Variants in SDK1 observed in about 807,000 individuals in gnomAD.
SDK1 encodes the protein sidekick cell adhesion molecule 1, also known as protein sidekick-1.
A neutral mutation model predicts 245.5 loss-of-function variants in SDK1; 157 were observed. That is an observed-to-expected ratio of 0.64 (90% CI 0.56 to 0.73). The LOEUF (loss-of-function observed/expected upper bound fraction) is 0.73, where lower values mean the gene tolerates loss of function less well. Ranked by LOEUF, SDK1 falls within the 30% of genes least tolerant of loss-of-function variation. SDK1 has a pLI of 0.00. For synonymous variants in SDK1, 1,647 were observed against 1,278.5 expected (o/e 1.29, Z -6.15); for missense variants, 3,583 against 3,002.3 (o/e 1.19, Z -4.52).
chr7:3,659,579 C>G (rs891855), intron 4 of SDK1, among the ~76,000 whole-genome samples: 94,481 of 151,946 alleles, frequency 0.62, 29,745 homozygotes, highest in South Asian at 0.77. Flanking sequence ...CCCAAAGTGA[C>G]GTCGGCAGGG....
At chr7:3,399,825 G>C (rs990995979) in intron 1 of SDK1, among the ~76,000 whole-genome samples, 1 of 152,066 alleles carries the variant, frequency 6.6e-6, no homozygotes, top group Non-Finnish European at 1.5e-5. Flanking sequence ...TGGAGTTCCA[G>C]ATACCCACTG....
chr7:4,175,355 A>G (rs1218931087), intron 33 of SDK1, among the ~76,000 whole-genome samples: 1 of 152,204 alleles, frequency 6.6e-6, no homozygotes, highest in Non-Finnish European at 1.5e-5. Flanking sequence ...GGCTGGGCTT[A>G]CGCACCTGGT....
In SDK1 at chr7:3,359,491, G is replaced by A. The variant is rs142561333; in HGVS notation, c.298+57607G>A. On this transcript the variant is annotated intron_variant, in intron 1 of 44. Transcript: ENST00000404826. ...ATTAAAAGAATCACAGAGGCTAGTAGCCTTTAGTTTTTAATTTTTTGATTG... is the reference window on the plus strand; with the variant it reads ...ATTAAAAGAATCACAGAGGCTAGTAACCTTTAGTTTTTAATTTTTTGATTG... Among the ~76,000 whole-genome samples, 13 of 152,292 alleles carry A rather than the reference G, an allele frequency of 8.5e-5. No homozygotes were observed. In the East Asian group the frequency reaches 2.5e-3, roughly 29 times the overall value.
chr7:3,590,154 G>A (rs1780818961), intron 1 of SDK1, among the ~76,000 whole-genome samples: 1 of 152,176 alleles, frequency 6.6e-6, no homozygotes, highest in African/African-American at 2.4e-5. Flanking sequence ...ATAGCAGGTA[G>A]CCTCAGGCTG....
intron 5 of SDK1, among the ~76,000 whole-genome samples, chr7:3,950,070 A>G (rs996908453): frequency 6.6e-6 from 1 of 152,274 alleles, no homozygotes; most frequent in Non-Finnish European, 1.5e-5. Context: ...TAAAAGAAAA[A>G]TAAAGCCAGC....
intron 1 of SDK1, among the ~76,000 whole-genome samples, chr7:3,562,790 G>C (rs1779787593): frequency 6.6e-6 from 1 of 151,970 alleles, no homozygotes; most frequent in Non-Finnish European, 1.5e-5. Context: ...TCACACGTGA[G>C]GATATAAGAA....
intron 2 of SDK1, among the ~76,000 whole-genome samples, chr7:3,635,408 T>G (rs1272009245): frequency 2.6e-5 from 4 of 152,230 alleles, no homozygotes; most frequent in African/African-American, 9.6e-5. Flanking sequence ...TCGCTTAAAA[T>G]TATGCCTATC....
intron 1 of SDK1, among the ~76,000 whole-genome samples, chr7:3,385,569 C>T (rs1181306708): frequency 6.6e-6 from 1 of 152,088 alleles, no homozygotes; most frequent in Non-Finnish European, 1.5e-5. Flanking sequence ...GGTCTCTCTG[C>T]CTGGAATCTT....
At chr7:3,801,229 A>G (rs942723823) in intron 4 of SDK1, among the ~76,000 whole-genome samples, 4 of 152,190 alleles carry the variant, frequency 2.6e-5, no homozygotes, top group Admixed American at 2.6e-4. Flanking sequence ...GCTGAATGTA[A>G]TATTTCATCA....
At chr7:3,449,961 A>T (rs1780461460) in intron 1 of SDK1, among the ~76,000 whole-genome samples, 1 of 152,226 alleles carries the variant, frequency 6.6e-6, no homozygotes, top group African/African-American at 2.4e-5. Context: ...CACACAAATC[A>T]GACTGGCTGT....
chr7:3,470,052 T>C (rs892718961), intron 1 of SDK1, among the ~76,000 whole-genome samples: 9 of 152,150 alleles, frequency 5.9e-5, no homozygotes, highest in Admixed American at 5.2e-4. Context: ...TTTTTCCATA[T>C]TTAACACTAG....
At chr7:3,488,179 T>C (rs1781760386) in intron 1 of SDK1, among the ~76,000 whole-genome samples, 1 of 152,128 alleles carries the variant, frequency 6.6e-6, no homozygotes, top group Non-Finnish European at 1.5e-5. Context: ...AATGACTAAT[T>C]TGTTTTCTGC....
chr7:4,190,631 G>A (rs1783142259), intron 35 of SDK1, among the ~76,000 whole-genome samples: 1 of 152,262 alleles, frequency 6.6e-6, no homozygotes, highest in Admixed American at 6.5e-5. Context: ...CCAATGCGCT[G>A]CACCCGGCCC....
At chr7:3,751,871 C>T (rs1404981761) in intron 4 of SDK1, among the ~76,000 whole-genome samples, 2 of 152,150 alleles carry the variant, frequency 1.3e-5, no homozygotes, top group African/African-American at 4.8e-5. Context: ...TACTTCCTTT[C>T]TTTTTCTCAT....
intron 1 of SDK1, among the ~76,000 whole-genome samples, chr7:3,597,584 T>C (rs1781107929): frequency 6.6e-6 from 1 of 152,170 alleles, no homozygotes; most frequent in Admixed American, 6.5e-5. Flanking sequence ...AGGAGGAAAA[T>C]AACCTGCTCT....
intron 1 of SDK1, among the ~76,000 whole-genome samples, chr7:3,526,268 A>T (rs141032466): frequency 3.5e-4 from 54 of 152,232 alleles, no homozygotes; most frequent in East Asian, 1.5e-3. Context: ...TGTGACCTTT[A>T]TAGGATATCT....
At chr7:4,121,501 C>A (rs1024865053) in intron 25 of SDK1, among the ~76,000 whole-genome samples, 4 of 152,214 alleles carry the variant, frequency 2.6e-5, no homozygotes. Context: ...AAGTTCCTTG[C>A]TTCCCCTTCA....
In SDK1 at chr7:3,892,892, A is replaced by G. The variant is rs117903629; in HGVS notation, c.848-58031A>G. ...CCTCTTCAATATTAACCAAGAGTTA[A>G]GCAGAATCGTGGGTTGCTTTCGAGG... On this transcript the variant is annotated intron_variant, in intron 5 of 44. Coordinates refer to ENST00000404826, the MANE Select transcript of SDK1 (RefSeq NM_152744.4). Among the ~76,000 whole-genome samples, 665 of 152,300 alleles carry G rather than the reference A, an allele frequency of 4.4e-3. 6 individuals carry two copies. The highest frequency in any genetic ancestry group is 0.037 in the South Asian group (178 of 4,826).
At chr7:3,827,028 T>A (rs1269432108) in intron 5 of SDK1, among the ~76,000 whole-genome samples, 1 of 152,132 alleles carries the variant, frequency 6.6e-6, no homozygotes, top group African/African-American at 2.4e-5. Context: ...CATATCCCCA[T>A]CTCTTTCCAT....
Sources: allele counts gnomAD v4.1 joint callset (sites outside exome capture counted in the v4.1 genomes callset), GRCh38; gene constraint gnomAD v4.1.1; transcripts MANE v1.5; gene names NCBI Gene and HGNC (gene_info 2026-07-23, HGNC 2026-07-21).